Variants in ATE1 observed in about 807,000 individuals in gnomAD.
The protein encoded by ATE1 is arginyl-tRNA--protein transferase 1.
ATE1 carries 36 observed loss-of-function variants against 70.5 expected under a neutral mutation model. That is an observed-to-expected ratio of 0.51 (90% CI 0.39 to 0.67). ATE1 has a LOEUF of 0.67. ATE1 is among the 30% of genes least tolerant of loss of function. The probability of loss-of-function intolerance (pLI) is 0.00; values close to 1 mark genes in which losing one functional copy is unlikely to be tolerated. For missense variants in ATE1, 593 were observed against 629.5 expected (o/e 0.94, Z 0.62); for synonymous variants, 232 against 219.3 (o/e 1.06, Z -0.51).
chr10:121,910,327 T>C (rs1360631999), intron 5 of ATE1, among the ~76,000 whole-genome samples: 2 of 152,208 alleles, frequency 1.3e-5, no homozygotes, highest in Non-Finnish European at 2.9e-5. Context: ...CACGAAATAA[T>C]TTTAAAAGAG....
intron 10 of ATE1, among the ~76,000 whole-genome samples, chr10:121,829,717 A>G (rs1262170123): frequency 1.3e-5 from 2 of 152,012 alleles, no homozygotes; most frequent in East Asian, 3.9e-4. Context: ...TCAAAAAAAA[A>G]GAAAAAAAAA....
At chr10:121,890,044 C>T (rs377310231) in intron 7 of ATE1, among the ~76,000 whole-genome samples, 3 of 152,154 alleles carry the variant, frequency 2.0e-5, no homozygotes, top group African/African-American at 7.2e-5. Flanking sequence ...AAGTTGTTAA[C>T]AACTTGTCAA....
chr10:121,834,463 A>G (rs1948360514), intron 10 of ATE1, among the ~76,000 whole-genome samples: 3 of 152,326 alleles, frequency 2.0e-5, no homozygotes, highest in African/African-American at 7.2e-5. Flanking sequence ...TTTTGAAGCT[A>G]TAATTCTTAT....
chr10:121,875,472 T>A (rs1014994689), intron 7 of ATE1, among the ~76,000 whole-genome samples: 1 of 151,754 alleles, frequency 6.6e-6, no homozygotes, highest in Non-Finnish European at 1.5e-5. Flanking sequence ...GCCTGGCTAA[T>A]TCTTGTATTT....
At position 121,879,397 on chromosome 10, in the gene ATE1, G is replaced by A. The variant is rs540441014; in HGVS notation, c.943-9359C>T. Among the ~76,000 whole-genome samples, 3 of 152,164 alleles carry A rather than the reference G, an allele frequency of 2.0e-5. No homozygotes were observed. The South Asian group carries it at 6.2e-4, about 32-fold the overall frequency. ...CTCTATCCCTCCATGTATCTTGCTA[G>A]CACACATTACTCTGGCACTATATTG... On this transcript the variant is annotated intron_variant, in intron 7 of 11. Transcript: ENST00000224652.
intron 8 of ATE1, among the ~76,000 whole-genome samples, chr10:121,855,903 T>C: frequency 6.7e-6 from 1 of 150,368 alleles, no homozygotes; most frequent in East Asian, 2.0e-4. Flanking sequence ...GGTGAAACCC[T>C]GGTCTCTACT....
chr10:121,772,120 T>G (rs1049724177), intron 11 of ATE1, among the ~76,000 whole-genome samples: 2 of 152,112 alleles, frequency 1.3e-5, no homozygotes, highest in African/African-American at 4.8e-5. Context: ...GACACCACAT[T>G]CCCCAGACAT....
intron 10 of ATE1, among the ~76,000 whole-genome samples, chr10:121,819,917 G>A (rs1315331121): frequency 6.6e-6 from 1 of 151,880 alleles, no homozygotes; most frequent in Non-Finnish European, 1.5e-5. Context: ...AGGCCAAGGT[G>A]GGCAGATCAC....
At chr10:121,911,981 C>T (rs1001107587) in intron 4 of ATE1, among the ~76,000 whole-genome samples, 1 of 152,050 alleles carries the variant, frequency 6.6e-6, no homozygotes, top group African/African-American at 2.4e-5. Flanking sequence ...CTCCTGACCT[C>T]GTGATCCACC....
chr10:121,908,431 G>A (rs919829600), intron 5 of ATE1, among the ~76,000 whole-genome samples: 31 of 152,194 alleles, frequency 2.0e-4, no homozygotes, highest in African/African-American at 7.5e-4. Flanking sequence ...CTGGAACCCG[G>A]AGGTGGAGTC....
chr10:121,927,206 T>C, intron 1 of ATE1: 1 of 985,436 alleles, frequency 1.0e-6, no homozygotes, highest in South Asian at 4.7e-5. Context: ...TGGGCTGGCT[T>C]TGCTGTCGTC....
At chr10:121,819,112 T>C (rs893128643) in intron 10 of ATE1, among the ~76,000 whole-genome samples, 1 of 152,252 alleles carries the variant, frequency 6.6e-6, no homozygotes, top group Non-Finnish European at 1.5e-5. Flanking sequence ...TAATTCACTA[T>C]TGCATTATCA....
intron 7 of ATE1, among the ~76,000 whole-genome samples, chr10:121,896,443 G>GTA (rs1279636509): frequency 1.3e-5 from 2 of 152,178 alleles, no homozygotes; most frequent in African/African-American, 4.8e-5. Flanking sequence ...CTGCTGATAG[G>GTA]TATGTCGCAG....
rs575754733 is a variant in ATE1, at chr10:121,891,887, A to C, written c.942+7979T>G. Among the ~76,000 whole-genome samples the C allele has an allele frequency of 5.9e-5, 9 of 152,320 alleles. No individual in the cohort carries two copies. In the East Asian group the frequency reaches 1.5e-3, roughly 26 times the overall value. ...TAGTTTTCCCTCTTATATTAACAAA[A>C]CTACACCACAGTGTGATACTGTACA... On this transcript the variant is annotated intron_variant, in intron 7 of 11. Coordinates refer to ENST00000224652, the MANE Select transcript of ATE1 (RefSeq NM_001001976.3).
intron 11 of ATE1, among the ~76,000 whole-genome samples, chr10:121,750,148 T>C (rs1944523304): frequency 6.6e-6 from 1 of 152,226 alleles, no homozygotes; most frequent in Admixed American, 6.5e-5. Context: ...AACCCCTTTA[T>C]AATCATCTTT....
chr10:121,852,638 G>C (rs757651266), intron 8 of ATE1, among the ~76,000 whole-genome samples: 7 of 152,070 alleles, frequency 4.6e-5, no homozygotes, highest in Non-Finnish European at 7.3e-5. Flanking sequence ...TTGAACCCGG[G>C]AGGCAGAGGT....
At chr10:121,897,819 C>T (rs899211001) in intron 7 of ATE1, among the ~76,000 whole-genome samples, 5 of 128,328 alleles carry the variant, frequency 3.9e-5, no homozygotes, top group South Asian at 2.9e-4. Context: ...AGCAAGACTC[C>T]GTCTCAAAAA....
At chr10:121,833,935 G>A (rs1327264668) in intron 10 of ATE1, among the ~76,000 whole-genome samples, 2 of 152,130 alleles carry the variant, frequency 1.3e-5, no homozygotes, top group Non-Finnish European at 2.9e-5. Context: ...CAAATCTGAT[G>A]CCCATGGTTG....
chr10:121,774,719 C>A (rs1184316237), intron 11 of ATE1, among the ~76,000 whole-genome samples: 1 of 152,176 alleles, frequency 6.6e-6, no homozygotes, highest in African/African-American at 2.4e-5. Context: ...AAAATTAGAA[C>A]TCAAAGTTCC....
Sources: gnomAD v4.1 joint callset for allele counts (sites outside exome capture counted in the v4.1 genomes callset) on GRCh38, gnomAD v4.1.1 for gene constraint, MANE v1.5 for transcripts, NCBI Gene and HGNC (gene_info 2026-07-23, HGNC 2026-07-21) for gene names.